The following DNMT3A variants were observed in gnomAD, a reference collection of about 807,000 sequenced individuals.
The protein encoded by DNMT3A is DNA (cytosine-5)-methyltransferase 3A.
Under a neutral mutation model 117.6 loss-of-function variants are expected in DNMT3A, and 267 were observed. The observed-to-expected ratio is 2.27, with a 90% confidence interval of 2.05 to 2.51. The LOEUF is 2.51. Ranked by LOEUF, DNMT3A falls within the 30% of genes most tolerant of loss-of-function variation. The probability of loss-of-function intolerance (pLI) is 0.00; values close to 1 mark genes in which losing one functional copy is unlikely to be tolerated. For synonymous variants in DNMT3A, 432 were observed against 474.8 expected, an observed-to-expected ratio of 0.91 and a Z score of 1.17; for missense variants, 1,029 against 1,260.2, an observed-to-expected ratio of 0.82 and a Z score of 2.78.
chr2:25,256,656 C>CCCCTCA (rs980434724), intron 6 of DNMT3A, among the ~76,000 whole-genome samples: 11 of 152,148 alleles, frequency 7.2e-5, no homozygotes, highest in African/African-American at 2.2e-4. Context: ...GCTGCCCTGG[C>CCCCTCA]CCCTCACCCT....
chr2:25,295,779 C>T (rs529787515), intron 3 of DNMT3A, among the ~76,000 whole-genome samples: 2 of 152,324 alleles, frequency 1.3e-5, no homozygotes, highest in East Asian at 3.9e-4. Flanking sequence ...AACTACCTCA[C>T]GCAGGTTTGT....
intron 4 of DNMT3A, among the ~76,000 whole-genome samples, chr2:25,280,937 G>A (rs1364501215): frequency 1.3e-5 from 2 of 152,116 alleles, no homozygotes; most frequent in Admixed American, 6.5e-5. Flanking sequence ...GTAGCAGCTC[G>A]GCAGGAGTCA....
chr2:25,338,989 G>A (rs1414730708), intron 1 of DNMT3A, among the ~76,000 whole-genome samples: 1 of 152,048 alleles, frequency 6.6e-6, no homozygotes, highest in African/African-American at 2.4e-5. Flanking sequence ...CTTAAAGGAG[G>A]CTGTACTTTT....
intron 2 of DNMT3A, among the ~76,000 whole-genome samples, chr2:25,303,945 T>A (rs748414578): frequency 1.3e-5 from 2 of 152,212 alleles, no homozygotes; most frequent in Non-Finnish European, 2.9e-5. Context: ...TCTTTGCTGA[T>A]GGGTTGAGCA....
At position 25,278,042 on chromosome 2, in the gene DNMT3A, C is replaced by G. The variant is rs62129158; in HGVS notation, c.449-2499G>C. ...ACACACACACACACACACACACAGA[C>G]ACACACGCTTTCCAGCCTGGCCGGG... On this transcript the variant is annotated intron_variant, in intron 4 of 22. Transcript: ENST00000321117. Among the ~76,000 whole-genome samples, 181 of 146,394 alleles carry G rather than the reference C, an allele frequency of 1.2e-3. 1 individual carries two copies. Among genetic ancestry groups the G allele is most frequent in the African/African-American group, 4.4e-3 (171 of 39,026 alleles).
At chr2:25,249,520 G>T in intron 6 of DNMT3A, 1 of 1,006,074 alleles carries the variant, frequency 9.9e-7, no homozygotes, top group Non-Finnish European at 1.5e-6. Flanking sequence ...GCACCCTTCA[G>T]ATCCATAAAT....
In DNMT3A at chr2:25,339,212, C is replaced by A. The variant is rs2035320378; in HGVS notation, c.-178+2614G>T. ...TGAAATTCCACCACTAGAATCAGAG[C>A]CATAGAATGTCAAAGCTGGAATGGA... On this transcript the variant is annotated intron_variant, in intron 1 of 22. Coordinates refer to ENST00000321117, the MANE Select transcript of DNMT3A (RefSeq NM_022552.5). This position sits in a 1 kb window ranked among gnomAD's most constrained non-coding sequence, Gnocchi z 4.9. Among the ~76,000 whole-genome samples the A allele has an allele frequency of 1.3e-5, 2 of 152,064 alleles. No homozygotes were observed.
chr2:25,320,405 T>C (rs1171110806), intron 1 of DNMT3A, among the ~76,000 whole-genome samples: 1 of 152,204 alleles, frequency 6.6e-6, no homozygotes, highest in Non-Finnish European at 1.5e-5. Context: ...CTGGAGGTGA[T>C]GGATATACCA....
chr2:25,321,234 T>C (rs1377415551), intron 1 of DNMT3A, among the ~76,000 whole-genome samples: 1 of 152,224 alleles, frequency 6.6e-6, no homozygotes, highest in African/African-American at 2.4e-5. Flanking sequence ...GCTGCATTCT[T>C]TTCTGGAAAC....
At chr2:25,316,785 C>T (rs1307418177) in intron 1 of DNMT3A, among the ~76,000 whole-genome samples, 1 of 152,234 alleles carries the variant, frequency 6.6e-6, no homozygotes, top group East Asian at 1.9e-4. Context: ...GCCACCACCA[C>T]TGCCACCAAA....
rs1205125035 is a variant in DNMT3A at position 25,246,265 on chromosome 2, C to A, written c.1324G>T (p.Glu442Ter). ...GGTGCGTAGGCAGCTGCCTCAGGTT[C>A]CACCCACATGTCCGTGTACACTTCT... ...YKEVYTDMWVEPEAAAYAPPP... is the reference protein window; with the variant it reads ...YKEVYTDMWV Residue 442 changes from glutamate to a stop codon, truncating the protein, a stop_gained, in exon 11 of 23, where the codon GAA becomes TAA. Coordinates refer to ENST00000321117, the MANE Select transcript of DNMT3A (RefSeq NM_022552.5). LOFTEE classifies it high-confidence loss of function. 1.2e-6 allele frequency: 2 copies of A among 1,613,994 alleles called. No individual in the cohort carries two copies. Among genetic ancestry groups the A allele is most frequent in the Non-Finnish European group, 1.7e-6 (2 of 1,179,924 alleles).
At chr2:25,240,800 T>C (rs1348038152) in intron 17 of DNMT3A, 70 bp from the exon 18 acceptor site, 5 of 1,500,102 alleles carry the variant, frequency 3.3e-6, no homozygotes, top group African/African-American at 1.4e-5. Flanking sequence ...AAAGAGAAAT[T>C]ATCTGTGAAC....
At chr2:25,284,151 C>T (rs1009710273) in intron 3 of DNMT3A, among the ~76,000 whole-genome samples, 66 of 151,300 alleles carry the variant, frequency 4.4e-4, no homozygotes, top group African/African-American at 1.6e-3. Flanking sequence ...CTCTGCCTCG[C>T]TGGCTCCGTA....
chr2:25,269,338 C>T (rs2030657522), intron 6 of DNMT3A, among the ~76,000 whole-genome samples: 1 of 152,150 alleles, frequency 6.6e-6, no homozygotes, highest in East Asian at 1.9e-4. Context: ...GACAAACAAA[C>T]AAACCCCAGT....
chr2:25,286,781 G>A lies in DNMT3A; in HGVS notation c.178-4070C>T, dbSNP rs1360146543. 5.3e-5 allele frequency among the ~76,000 whole-genome samples: 8 copies of A among 152,202 alleles called. No homozygotes were observed. The highest frequency in any genetic ancestry group is 1.7e-4 in the African/African-American group (7 of 41,424). On this transcript the variant is annotated intron_variant, in intron 3 of 22. Coordinates refer to ENST00000321117, the MANE Select transcript of DNMT3A (RefSeq NM_022552.5). The surrounding 1 kb of genome is among the most constrained non-coding windows in gnomAD (Gnocchi z 4.3). Reference sequence around the variant, plus strand: ...GAAGGAGCCATCCCTGGTGAGAAGGGCAGAAACCTCAGCCTGGAAGCCCAG... The same window carrying A: ...GAAGGAGCCATCCCTGGTGAGAAGGACAGAAACCTCAGCCTGGAAGCCCAG...
intron 1 of DNMT3A, among the ~76,000 whole-genome samples, chr2:25,326,106 ATATGTG>A (rs1425127235): frequency 1.8e-3 from 190 of 103,338 alleles, no homozygotes; most frequent in African/African-American, 7.9e-3. Context: ...AACTTGATAT[ATATGTG>A]TGTGTGTGTG....
At chr2:25,250,480 T>G (rs564665386) in intron 6 of DNMT3A, among the ~76,000 whole-genome samples, 6 of 152,264 alleles carry the variant, frequency 3.9e-5, no homozygotes, top group African/African-American at 1.4e-4. Flanking sequence ...GGTGGAAGAA[T>G]GTGGAGTAAT....
chr2:25,240,363 A>G lies in DNMT3A; in HGVS notation c.2261T>C (p.Leu754Pro). 1 of 1,614,154 alleles carries G rather than the reference A, an allele frequency of 6.2e-7. No homozygotes were observed. The highest frequency in any genetic ancestry group is 1.3e-5 in the African/African-American group (1 of 75,068). The change falls in exon 19 of 23, where the codon CTC becomes CCC. Residue 754 changes from leucine to proline, a missense_variant. Transcript: ENST00000321117. Reference protein sequence around the residue: ...KEGDDRPFFWLFENVVAMGVS... With the variant: ...KEGDDRPFFWPFENVVAMGVS... Reference sequence around the variant, plus strand: ...GCCCATGGCCACCACATTCTCAAAGAGCCAGAAGAAGGGGCGATCATCTCC... The same window carrying G: ...GCCCATGGCCACCACATTCTCAAAGGGCCAGAAGAAGGGGCGATCATCTCC...
In DNMT3A at chr2:25,243,955, G is replaced by A. The variant is rs1674393736; in HGVS notation, c.1879C>T (p.Pro627Ser). The part of the protein sequence containing the change: ...FDPPKVYPPV[P>S]AEKRKPIRVL... ...CGGATGGGCTTCCTCTTCTCAGCTG[G>A]GACAGGTGGGTAAACCTTTGGAGGG... The change falls in exon 16 of 23, where the codon CCA (proline) becomes TCA (serine). Residue 627 changes from proline (P) to serine (S), a missense_variant. Physicochemically the swap from Pro to Ser is moderately conservative, Grantham distance 74. Coordinates refer to ENST00000321117, the MANE Select transcript of DNMT3A (RefSeq NM_022552.5). 6.4e-7 allele frequency: 1 copy of A among 1,553,076 alleles called. No individual in the cohort carries two copies.
Sources: allele counts gnomAD v4.1 joint callset (sites outside exome capture counted in the v4.1 genomes callset), GRCh38; gene constraint gnomAD v4.1.1; non-coding constraint Gnocchi (gnomAD v3.1); transcripts MANE v1.5; gene names NCBI Gene and HGNC (gene_info 2026-07-23, HGNC 2026-07-21).